ST3GAL3: variants seen among roughly 807,000 people sequenced by gnomAD.
ST3GAL3 encodes the protein ST3 beta-galactoside alpha-2,3-sialyltransferase 3.
Under a neutral mutation model 50.1 loss-of-function variants are expected in ST3GAL3, and 21 were observed. The ratio of observed to expected loss-of-function variants is 0.42; its 90% CI spans 0.30 to 0.60. The LOEUF is 0.60. Among genes scored for constraint, ST3GAL3 ranks in the 20% least tolerant of loss-of-function variants. The pLI is 0.19. For missense variants in ST3GAL3, 353 were observed against 489.4 expected (o/e 0.72, Z 2.63); for synonymous variants, 183 against 190.0 (o/e 0.96, Z 0.30).
chr1:43,755,458 CTT>C lies in ST3GAL3; in HGVS notation c.118+19079_118+19080del, dbSNP rs1199681680. On this transcript the variant is annotated intron_variant, in intron 2 of 11. Coordinates refer to ENST00000347631, the MANE Select transcript of ST3GAL3 (RefSeq NM_006279.5). ...GAGCACGCTAGCAATAATTAATCAA[CTT>C]AAGTATACACATATGCTTTAGCTCA... Among the ~76,000 whole-genome samples, 3 of 152,192 alleles carry C rather than the reference CTT, an allele frequency of 2.0e-5. No individual in the cohort carries two copies. In the East Asian group the frequency reaches 5.8e-4, roughly 29 times the overall value.
In ST3GAL3 at chr1:43,930,563, G is replaced by A. The variant is rs1328116675; in HGVS notation, c.*342G>A. 3 of 414,090 alleles carry A rather than the reference G, an allele frequency of 7.2e-6. No homozygotes were observed. Among genetic ancestry groups the A allele is most frequent in the African/African-American group, 4.1e-5 (2 of 49,154 alleles). The allele number at this position is 414,090 out of a possible 1,614,324, so 25.7% of individuals were successfully genotyped here. On this transcript the variant is annotated 3_prime_UTR_variant, in exon 12 of 12. Coordinates refer to ENST00000347631, the MANE Select transcript of ST3GAL3 (RefSeq NM_006279.5). ...TATTATCATTTTGTGAATTTGGGTA[G>A]GGGGGAGGGTAGGGATAATTTATTT...
intron 2 of ST3GAL3, among the ~76,000 whole-genome samples, chr1:43,789,518 AG>A (rs935900335): frequency 6.6e-6 from 1 of 152,160 alleles, no homozygotes; most frequent in African/African-American, 2.4e-5. Flanking sequence ...TTTTAAAAGC[AG>A]GGGTTGGAGG....
At chr1:43,883,009 T>C (rs1031703155) in intron 5 of ST3GAL3, among the ~76,000 whole-genome samples, 2 of 151,874 alleles carry the variant, frequency 1.3e-5, no homozygotes, top group Non-Finnish European at 2.9e-5. Flanking sequence ...TTGCCCAGGC[T>C]GGAGTGCAGT....
chr1:43,718,185 C>CTTTTTTTT (rs57506461), intron 1 of ST3GAL3, among the ~76,000 whole-genome samples: 8 of 83,378 alleles, frequency 9.6e-5, no homozygotes, highest in Non-Finnish European at 1.3e-4. Flanking sequence ...ATCATTAAAT[C>CTTTTTTTT]TTTTTTTTTT....
intron 2 of ST3GAL3, among the ~76,000 whole-genome samples, chr1:43,782,163 A>G (rs936194892): frequency 3.3e-5 from 5 of 152,122 alleles, no homozygotes; most frequent in Non-Finnish European, 5.9e-5. Context: ...TACATTTAAC[A>G]TTATTGCTTC....
chr1:43,736,890 A>G (rs1678724275), intron 2 of ST3GAL3: 1 of 230,690 alleles, frequency 4.3e-6, no homozygotes, highest in Admixed American at 5.3e-5. Flanking sequence ...ACCTGGCTAC[A>G]ATAATGGCTT....
chr1:43,835,646 A>G (rs2064208220), intron 4 of ST3GAL3, among the ~76,000 whole-genome samples: 1 of 152,048 alleles, frequency 6.6e-6, no homozygotes, highest in Non-Finnish European at 1.5e-5. Context: ...TACCTTGCCA[A>G]AAGTTGATGG....
At chr1:43,827,790 G>C (rs1023969961) in intron 4 of ST3GAL3, among the ~76,000 whole-genome samples, 1 of 152,174 alleles carries the variant, frequency 6.6e-6, no homozygotes, top group Admixed American at 6.5e-5. Context: ...AGGATTACAG[G>C]TGTGAGCCAC....
chr1:43,885,683 T>G (rs2075867959), intron 5 of ST3GAL3, among the ~76,000 whole-genome samples: 1 of 152,138 alleles, frequency 6.6e-6, no homozygotes, highest in Non-Finnish European at 1.5e-5. Flanking sequence ...CCTGCATAAT[T>G]AACACACACA....
At chr1:43,911,634 T>G (rs199898784) in intron 9 of ST3GAL3, among the ~76,000 whole-genome samples, 82,136 of 126,000 alleles carry the variant, frequency 0.65, 29,472 homozygotes, top group Non-Finnish European at 0.79. Context: ...TATAGATATC[T>G]ATATCTATAG....
intron 4 of ST3GAL3, among the ~76,000 whole-genome samples, chr1:43,828,423 G>A (rs2063100221): frequency 6.6e-6 from 1 of 152,096 alleles, no homozygotes; most frequent in African/African-American, 2.4e-5. Flanking sequence ...TCCAAAACTT[G>A]TACTCTGTGA....
At chr1:43,851,254 G>A in intron 5 of ST3GAL3, 1 of 1,576,070 alleles carries the variant, frequency 6.3e-7, no homozygotes, top group Middle Eastern at 1.7e-4. Context: ...AGATGGACGT[G>A]GCAGAGATTT....
At chr1:43,850,755 ACCACATGGTG>A (rs2067140166) in intron 5 of ST3GAL3, 1 of 791,272 alleles carries the variant, frequency 1.3e-6, no homozygotes, top group Non-Finnish European at 2.3e-6. Flanking sequence ...GCAGTTGGCC[ACCACATGGTG>A]CTGATAAACT....
intron 5 of ST3GAL3, chr1:43,840,909 G>A (rs190887893): frequency 6.6e-6 from 1 of 152,350 alleles, no homozygotes; most frequent in Admixed American, 6.5e-5. Flanking sequence ...GGGGGTATAG[G>A]CATTGGGTAA....
At position 43,930,154 on chromosome 1, in the gene ST3GAL3, G is replaced by A. The variant is rs766081620; in HGVS notation, c.1061G>A (p.Arg354Gln). 10 of 1,614,064 alleles carry A rather than the reference G, an allele frequency of 6.2e-6. No homozygotes were observed. Among genetic ancestry groups the A allele is most frequent in the South Asian group, 3.3e-5 (3 of 91,088 alleles). Reference sequence around the variant, plus strand: ...CAGTCCTGGACGCACAATATCCAGCGAGAGAAAGAGTTTCTGCGGAAGCTG... The same window carrying A: ...CAGTCCTGGACGCACAATATCCAGCAAGAGAAAGAGTTTCTGCGGAAGCTG... Reference protein sequence around the residue: ...IKESWTHNIQREKEFLRKLVK... With the variant: ...IKESWTHNIQQEKEFLRKLVK... The change falls in exon 12 of 12, where the codon CGA becomes CAA. Residue 354 changes from arginine to glutamine, a missense_variant. By Grantham distance (43) the Arg-to-Gln change is conservative. Transcript: ENST00000347631.
chr1:43,831,822 G>A (rs2063585999), intron 4 of ST3GAL3: 1 of 152,220 alleles, frequency 6.6e-6, no homozygotes, highest in Non-Finnish European at 1.5e-5. Flanking sequence ...CATATTAAAT[G>A]TATCATTTGA....
chr1:43,885,436 G>C (rs1019985899), intron 5 of ST3GAL3, among the ~76,000 whole-genome samples: 2 of 151,978 alleles, frequency 1.3e-5, no homozygotes, highest in Non-Finnish European at 2.9e-5. Context: ...GCTGCCTCGC[G>C]TGCCGGGGTG....
intron 2 of ST3GAL3, among the ~76,000 whole-genome samples, chr1:43,741,764 T>G (rs1681024763): frequency 6.6e-6 from 1 of 152,162 alleles, no homozygotes; most frequent in Non-Finnish European, 1.5e-5. Flanking sequence ...TGTCAGCCTG[T>G]AGACAACAGG....
At chr1:43,894,893 G>T (rs1356578740) in intron 6 of ST3GAL3, among the ~76,000 whole-genome samples, 1 of 151,898 alleles carries the variant, frequency 6.6e-6, no homozygotes, top group Non-Finnish European at 1.5e-5. Flanking sequence ...AAGTGCTGGG[G>T]TTACAGGCAT....
Sources: allele counts gnomAD v4.1 joint callset (sites outside exome capture counted in the v4.1 genomes callset), GRCh38; gene constraint gnomAD v4.1.1; transcripts MANE v1.5; gene names NCBI Gene and HGNC (gene_info 2026-07-23, HGNC 2026-07-21).